Variants in TRRAP observed in about 807,000 individuals in gnomAD.
The protein encoded by TRRAP is transformation/transcription domain associated protein.
TRRAP carries 41 observed loss-of-function variants against 438.8 expected under a neutral mutation model. That is an observed-to-expected ratio of 0.09 (90% confidence interval 0.07 to 0.12). The LOEUF (loss-of-function observed/expected upper bound fraction) is 0.12. Among genes scored for constraint, TRRAP ranks in the 10% least tolerant of loss-of-function variants. The pLI, the probability that TRRAP is intolerant of heterozygous loss-of-function variation, is 1.00. For synonymous variants in TRRAP, 1,994 were observed against 1,962.9 expected (o/e 1.02, Z -0.42); for missense variants, 3,122 against 5,055.1 (o/e 0.62, Z 11.60).
At chr7:98,978,459 A>G in intron 57 of TRRAP, 136 bp downstream of exon 57, 2 of 815,264 alleles carry the variant, frequency 2.5e-6, no homozygotes, top group Non-Finnish European at 3.9e-6. Flanking sequence ...ACAAATAGAA[A>G]CCCAAAACCA....
rs548526552 is a variant in TRRAP, at chr7:98,984,169, A to C, written c.9099A>C (p.Ser3033=). ...SNNAMLGVHA[S]ASAIIQYGKI... ...ACGCTATGCTTGGGGTTCATGCATC[A>C]GCTTCAGCGATCATCCAGTATGGAA... The change falls in exon 61 of 73, where the codon TCA becomes TCC. Residue 3033 remains serine, a synonymous_variant. Coordinates refer to ENST00000456197, the MANE Select transcript of TRRAP (RefSeq NM_001375524.1). 6.2e-7 allele frequency: 1 copy of C among 1,614,188 alleles called. No individual in the cohort carries two copies. The highest frequency in any genetic ancestry group is 1.3e-5 in the African/African-American group (1 of 75,048).
intron 4 of TRRAP, 48 bp from the exon 5 acceptor site, chr7:98,892,375 AC>A (rs1554405035): frequency 6.8e-7 from 1 of 1,460,870 alleles, no homozygotes. Context: ...TTAATTTGGA[AC>A]CCTTGGAAGT....
intron 25 of TRRAP, 37 bp from the exon 26 acceptor site, chr7:98,931,368 C>T (rs1477219729): frequency 3.6e-5 from 57 of 1,600,804 alleles, no homozygotes; most frequent in Middle Eastern, 1.8e-4. Flanking sequence ...TGGGTGGCAT[C>T]GCCCTGCTTT....
intron 18 of TRRAP, 99 bp from the exon 19 acceptor site, chr7:98,915,624 C>T (rs1454650923): frequency 1.4e-6 from 2 of 1,427,636 alleles, no homozygotes; most frequent in South Asian, 1.5e-5. Context: ...ATCAGAATTG[C>T]CTTCCATTGC....
intron 70 of TRRAP, among the ~76,000 whole-genome samples, chr7:99,010,375 GAAAC>G (rs772966641): frequency 3.7e-4 from 56 of 152,346 alleles, no homozygotes; most frequent in Non-Finnish European, 5.0e-4. Context: ...GACGGATGAG[GAAAC>G]AAACAAACTG....
chr7:98,942,711 T>G (rs1440547061), intron 30 of TRRAP, among the ~76,000 whole-genome samples: 1 of 152,200 alleles, frequency 6.6e-6, no homozygotes, highest in Non-Finnish European at 1.5e-5. Flanking sequence ...GGCATGGTAT[T>G]GGAACACCCG....
At chr7:98,967,956 T>C (rs892232873) in intron 51 of TRRAP, among the ~76,000 whole-genome samples, 3 of 152,144 alleles carry the variant, frequency 2.0e-5, no homozygotes, top group Admixed American at 2.0e-4. Context: ...TCTTCAAATA[T>C]AAAAAAGTTT....
chr7:98,899,324 TTCTC>T (rs1370170881), intron 8 of TRRAP, 94 bp from the exon 9 acceptor site: 2 of 961,988 alleles, frequency 2.1e-6, no homozygotes, highest in Non-Finnish European at 3.3e-6. Flanking sequence ...CTGTTTTCCG[TTCTC>T]TCTCTTTCAG....
chr7:98,923,344 C>T (rs1475013105), intron 21 of TRRAP, among the ~76,000 whole-genome samples: 4 of 152,202 alleles, frequency 2.6e-5, no homozygotes, highest in Admixed American at 6.5e-5. Context: ...TACAGAGGCT[C>T]ACCATGGTGC....
At chr7:98,893,101 G>A (rs1796047156) in intron 5 of TRRAP, among the ~76,000 whole-genome samples, 1 of 152,008 alleles carries the variant, frequency 6.6e-6, no homozygotes, top group Admixed American at 6.6e-5. Flanking sequence ...ACAGGCCCTT[G>A]CCACCATGCC....
At chr7:98,895,845 T>C in intron 7 of TRRAP, 25 bp downstream of exon 7, 1 of 1,569,728 alleles carries the variant, frequency 6.4e-7, no homozygotes, top group Non-Finnish European at 8.7e-7. Context: ...TGGTTTTAAT[T>C]AGTTACATTT....
chr7:98,912,840 A>G (rs192044706), intron 18 of TRRAP, among the ~76,000 whole-genome samples: 1 of 152,276 alleles, frequency 6.6e-6, no homozygotes, highest in Non-Finnish European at 1.5e-5. Flanking sequence ...TCAGGGAAAA[A>G]AAAACATCTT....
intron 21 of TRRAP, among the ~76,000 whole-genome samples, chr7:98,924,160 C>G (rs961568799): frequency 7.2e-5 from 11 of 152,244 alleles, no homozygotes; most frequent in Non-Finnish European, 1.6e-4. Context: ...TTTAACCCAG[C>G]AAATCTTCCA....
At chr7:98,950,324 T>A (rs1276295237) in intron 38 of TRRAP, 62 bp downstream of exon 38, 9 of 1,570,762 alleles carry the variant, frequency 5.7e-6, no homozygotes, top group Non-Finnish European at 7.8e-6. Context: ...CTAGGGAACT[T>A]TGGGCCCTTT....
chr7:98,897,674 T>G, intron 7 of TRRAP, 67 bp from the exon 8 acceptor site: 1 of 1,430,218 alleles, frequency 7.0e-7, no homozygotes, highest in Admixed American at 2.9e-5. Context: ...TTGTTTTGTT[T>G]TGTTTTGTTT....
At chr7:98,892,280 A>G (rs1796013484) in intron 4 of TRRAP, 144 bp from the exon 5 acceptor site, 1 of 685,584 alleles carries the variant, frequency 1.5e-6, no homozygotes, top group African/African-American at 1.8e-5. Flanking sequence ...GACTGCTTGA[A>G]AAACTGGGTC....
rs376692597 is a variant in TRRAP, at chr7:99,011,538, G to A, written c.11337+3G>A. The A allele has an allele frequency of 9.9e-6, 16 of 1,612,736 alleles. No homozygotes were observed. Among genetic ancestry groups the A allele is most frequent in the Middle Eastern group, 1.7e-4 (1 of 6,052 alleles). Reference sequence around the variant, plus strand: ...GCTTCGCCCAGCCAAACTTTAAGGTGGGTCTCCACGTCGTCCTATCACAGG... The same window carrying A: ...GCTTCGCCCAGCCAAACTTTAAGGTAGGTCTCCACGTCGTCCTATCACAGG... On this transcript the variant is annotated splice_donor_region_variant and intron_variant, in intron 72 of 72. Coordinates refer to ENST00000456197, the MANE Select transcript of TRRAP (RefSeq NM_001375524.1). This position sits in a 1 kb window ranked among gnomAD's most constrained non-coding sequence, Gnocchi z 7.1.
At chr7:98,905,137 C>T (rs1353619457) in intron 12 of TRRAP, among the ~76,000 whole-genome samples, 3 of 152,178 alleles carry the variant, frequency 2.0e-5, no homozygotes, top group African/African-American at 7.2e-5. Flanking sequence ...TTCTCCATGT[C>T]ACGGCTGAGC....
chr7:98,961,622 A>C, intron 46 of TRRAP, 148 bp downstream of exon 46: 15 of 998,798 alleles, frequency 1.5e-5, no homozygotes, highest in Non-Finnish European at 1.7e-5. Context: ...AAAAACTGAC[A>C]TGGAAACATA....
Sources: allele counts gnomAD v4.1 joint callset (sites outside exome capture counted in the v4.1 genomes callset), GRCh38; gene constraint gnomAD v4.1.1; non-coding constraint Gnocchi (gnomAD v3.1); transcripts MANE v1.5; gene names NCBI Gene and HGNC (gene_info 2026-07-23, HGNC 2026-07-21).